Variants in KCNN3 observed in about 807,000 individuals in gnomAD.
KCNN3 encodes the protein potassium calcium-activated channel subfamily N member 3.
In KCNN3, 16 loss-of-function variants were observed where a neutral mutation model predicts 62.9. The ratio of observed to expected loss-of-function variants is 0.25; its 90% CI spans 0.17 to 0.39. The LOEUF (loss-of-function observed/expected upper bound fraction) is 0.39, where lower values mean the gene tolerates loss of function less well. Among genes scored for constraint, KCNN3 ranks in the 10% least tolerant of loss-of-function variants. The pLI, the probability that KCNN3 is intolerant of heterozygous loss-of-function variation, is 1.00. For synonymous variants in KCNN3, 370 were observed against 389.2 expected (o/e 0.95, Z 0.58); for missense variants, 599 against 949.4 (o/e 0.63, Z 4.85).
rs1365213018 is a variant in KCNN3 at position 154,701,817 on chromosome 1, G to T, written c.*6159C>A. 1 of 152,166 alleles carries T rather than the reference G, an allele frequency of 6.6e-6. No homozygotes were observed. Among genetic ancestry groups the T allele is most frequent in the Admixed American group, 6.5e-5 (1 of 15,270 alleles). The allele number at this position is 152,166 out of a possible 1,614,324, so 9.4% of individuals were successfully genotyped here. ...TGTGTAGTTTGGAAAGCCGACCCCG[G>T]TTTCACGTACATGGAGAAACTCAGA... is the stretch of plus-strand genomic sequence containing the variant. On this transcript the variant is annotated 3_prime_UTR_variant, in exon 8 of 8. Coordinates refer to ENST00000271915, the MANE Select transcript of KCNN3 (RefSeq NM_002249.6).
At chr1:154,868,026 G>A (rs1653020739) in intron 1 of KCNN3, 1 of 985,244 alleles carries the variant, frequency 1.0e-6, no homozygotes, top group African/African-American at 1.7e-5. Flanking sequence ...TGGAGCAGTG[G>A]GGCCAGCTCC....
intron 1 of KCNN3, among the ~76,000 whole-genome samples, chr1:154,842,215 TG>T (rs1475482572): frequency 1.3e-5 from 2 of 152,206 alleles, no homozygotes; most frequent in Non-Finnish European, 2.9e-5. Flanking sequence ...TCTCCCACCC[TG>T]GCCTCCACAG....
chr1:154,771,625 C>T (rs749335063), intron 3 of KCNN3, among the ~76,000 whole-genome samples: 1 of 152,122 alleles, frequency 6.6e-6, no homozygotes, highest in Non-Finnish European at 1.5e-5. Context: ...CTTCTCAGAG[C>T]CTTTAAAATG....
intron 3 of KCNN3, among the ~76,000 whole-genome samples, chr1:154,738,487 A>G (rs1488510787): frequency 6.6e-6 from 1 of 152,226 alleles, no homozygotes; most frequent in Non-Finnish European, 1.5e-5. Flanking sequence ...ACCCTCTCTC[A>G]GGAAGACACA....
intron 1 of KCNN3, among the ~76,000 whole-genome samples, chr1:154,861,727 A>G (rs1226997510): frequency 6.6e-6 from 1 of 152,200 alleles, no homozygotes; most frequent in African/African-American, 2.4e-5. Flanking sequence ...GATGGATGCC[A>G]TCTGGGTGCT....
chr1:154,771,389 C>G (rs77783372), intron 3 of KCNN3, among the ~76,000 whole-genome samples: 1,603 of 152,310 alleles, frequency 0.011, 30 homozygotes, highest in African/African-American at 0.037. Context: ...GCATATGAAT[C>G]ACCAGGTGAC....
In KCNN3 at chr1:154,697,786, C is replaced by G. The variant is rs956712811; in HGVS notation, c.*10190G>C. On this transcript the variant is annotated 3_prime_UTR_variant, in exon 8 of 8. Coordinates refer to ENST00000271915, the MANE Select transcript of KCNN3 (RefSeq NM_002249.6). ...ATGGTGGCCAGCAGTAGAACTGAAG[C>G]CTGTAAGTTTTCATTCACTCCTAAA... The G allele has an allele frequency of 1.3e-5, 2 of 152,186 alleles. No homozygotes were observed. Among genetic ancestry groups the G allele is most frequent in the African/African-American group, 4.8e-5 (2 of 41,438 alleles). 9.4% of individuals were successfully genotyped at this position (152,186 alleles called of 1,614,324 possible).
chr1:154,714,208 T>C (rs1700153931), intron 6 of KCNN3, among the ~76,000 whole-genome samples: 2 of 138,594 alleles, frequency 1.4e-5, no homozygotes, highest in East Asian at 4.6e-4. Flanking sequence ...GTGTGTCGTA[T>C]GTGGTGTGCA....
intron 1 of KCNN3, among the ~76,000 whole-genome samples, chr1:154,823,959 A>C (rs542145861): frequency 4.0e-4 from 61 of 152,156 alleles, no homozygotes; most frequent in Non-Finnish European, 7.9e-4. Flanking sequence ...GATGTCTATT[A>C]ATCTCCCCAT....
chr1:154,855,690 C>T (rs1025264753), intron 1 of KCNN3, among the ~76,000 whole-genome samples: 6 of 152,302 alleles, frequency 3.9e-5, no homozygotes, highest in Admixed American at 2.6e-4. Context: ...ACTGCGTCCC[C>T]GTCGTTGCAA....
chr1:154,775,405 G>A (rs970457936), intron 2 of KCNN3, among the ~76,000 whole-genome samples: 7 of 152,166 alleles, frequency 4.6e-5, no homozygotes, highest in African/African-American at 1.7e-4. Context: ...TTACCTTGCC[G>A]AGCCTCAGTT....
Position 154,764,623 on chromosome 1 carries a change from C to T in KCNN3, c.1448+7352G>A, listed in dbSNP as rs1397292070. On this transcript the variant is annotated intron_variant, in intron 3 of 7. Coordinates refer to ENST00000271915, the MANE Select transcript of KCNN3 (RefSeq NM_002249.6). Reference sequence around the variant, plus strand: ...TAAAATTCTCCTCTACATAGGACAACGCATCTGGCATGCTTTTACTAATCC... The same window carrying T: ...TAAAATTCTCCTCTACATAGGACAATGCATCTGGCATGCTTTTACTAATCC... Among the ~76,000 whole-genome samples, 6 of 152,182 alleles carry T rather than the reference C, an allele frequency of 3.9e-5. 1 individual carries two copies. In the East Asian group the frequency reaches 5.8e-4, roughly 15 times the overall value.
At chr1:154,742,057 C>T (rs1700832693) in intron 3 of KCNN3, among the ~76,000 whole-genome samples, 1 of 152,240 alleles carries the variant, frequency 6.6e-6, no homozygotes, top group African/African-American at 2.4e-5. Context: ...GGCTCACTGG[C>T]CTGCTTTCCT....
At chr1:154,799,485 T>C (rs1289932317) in intron 2 of KCNN3, among the ~76,000 whole-genome samples, 1 of 152,174 alleles carries the variant, frequency 6.6e-6, no homozygotes, top group Non-Finnish European at 1.5e-5. Flanking sequence ...CCAAAGAGCG[T>C]AGCCAGAGTC....
At chr1:154,717,959 T>C (rs960267275) in intron 5 of KCNN3, among the ~76,000 whole-genome samples, 6 of 152,164 alleles carry the variant, frequency 3.9e-5, no homozygotes, top group Non-Finnish European at 8.8e-5. Context: ...CATGAGGTCA[T>C]GTGCCCTTCC....
chr1:154,756,030 TG>T (rs1337228980), intron 3 of KCNN3, among the ~76,000 whole-genome samples: 1 of 47,106 alleles, frequency 2.1e-5, no homozygotes, highest in Non-Finnish European at 4.0e-5. Flanking sequence ...AAGAAGACGA[TG>T]ATGAAAAGGA....
intron 2 of KCNN3, among the ~76,000 whole-genome samples, chr1:154,812,874 C>T (rs765026194): frequency 1.3e-5 from 2 of 152,180 alleles, no homozygotes; most frequent in African/African-American, 2.4e-5. Flanking sequence ...AGAAGTTGTT[C>T]GGACAGTCCC....
intron 2 of KCNN3, among the ~76,000 whole-genome samples, chr1:154,794,339 A>G: frequency 6.6e-6 from 1 of 152,218 alleles, no homozygotes. Flanking sequence ...GCCCTTAAAC[A>G]TAGATGCTTA....
intron 7 of KCNN3, among the ~76,000 whole-genome samples, chr1:154,709,907 C>G (rs758765543): frequency 6.6e-6 from 1 of 152,244 alleles, no homozygotes; most frequent in Non-Finnish European, 1.5e-5. Flanking sequence ...TGGTGCTCAC[C>G]AACTGCCTGA....
Sources: allele counts gnomAD v4.1 joint callset (sites outside exome capture counted in the v4.1 genomes callset), GRCh38; gene constraint gnomAD v4.1.1; transcripts MANE v1.5; gene names NCBI Gene and HGNC (gene_info 2026-07-23, HGNC 2026-07-21).